The following ZNF609 variants were observed in gnomAD, a reference collection of about 807,000 sequenced individuals.
ZNF609 encodes zinc finger protein 609.
A neutral mutation model predicts 109.5 loss-of-function variants in ZNF609; 11 were observed. The observed-to-expected ratio is 0.10, with a 90% CI of 0.06 to 0.17. The LOEUF is 0.17. Ranked by LOEUF, ZNF609 falls within the 10% of genes least tolerant of loss-of-function variation. ZNF609 has a pLI of 1.00. For missense variants in ZNF609, 1,559 were observed against 1,772.4 expected, an observed-to-expected ratio of 0.88 and a Z score of 2.16; for synonymous variants, 646 against 662.0, an observed-to-expected ratio of 0.98 and a Z score of 0.37.
At chr15:64,622,754 T>C (rs1414176055) in intron 2 of ZNF609, 73 bp from the exon 3 acceptor site, 24 of 1,311,972 alleles carry the variant, frequency 1.8e-5, no homozygotes, top group Non-Finnish European at 2.6e-5. Context: ...TAGGACTAGA[T>C]TAAATACAGA....
chr15:64,557,061 T>C (rs1170764175), intron 2 of ZNF609, among the ~76,000 whole-genome samples: 1 of 152,168 alleles, frequency 6.6e-6, no homozygotes, highest in African/African-American at 2.4e-5. Flanking sequence ...AAGAATGAGA[T>C]TCTTGGTTTT....
chr15:64,636,039 G>A (rs1411482779), intron 3 of ZNF609, among the ~76,000 whole-genome samples: 5 of 152,092 alleles, frequency 3.3e-5, no homozygotes, highest in Admixed American at 2.0e-4. Flanking sequence ...ATTCCTCCTG[G>A]CATTAGGCAG....
At chr15:64,657,496 C>T (rs1165206342) in intron 3 of ZNF609, among the ~76,000 whole-genome samples, 5 of 152,050 alleles carry the variant, frequency 3.3e-5, no homozygotes, top group African/African-American at 1.2e-4. Context: ...TGCATGTAGT[C>T]CCAGCTACTC....
chr15:64,606,742 T>TTTAAAA (rs1895609023), intron 2 of ZNF609, among the ~76,000 whole-genome samples: 1 of 151,750 alleles, frequency 6.6e-6, no homozygotes, highest in African/African-American at 2.4e-5. Flanking sequence ...AACGGTTACA[T>TTTAAAA]CAGTAATACC....
At chr15:64,504,872 T>C (rs1264822443) in intron 2 of ZNF609, among the ~76,000 whole-genome samples, 2 of 152,116 alleles carry the variant, frequency 1.3e-5, no homozygotes, top group Non-Finnish European at 2.9e-5. Flanking sequence ...GCCTCACTTA[T>C]GCACTTCTGC....
intron 3 of ZNF609, among the ~76,000 whole-genome samples, chr15:64,641,219 C>CTTTCTTTTTTT (rs1284761579): frequency 2.9e-5 from 2 of 69,738 alleles, no homozygotes; most frequent in Admixed American, 2.3e-4. Flanking sequence ...CTTGTGCTTT[C>CTTTCTTTTTTT]TTTTTTTTTT....
intron 3 of ZNF609, among the ~76,000 whole-genome samples, chr15:64,625,932 TATATAGAGAGAGAGAGAG>T (rs1285792582): frequency 5.5e-4 from 41 of 74,604 alleles, no homozygotes; most frequent in East Asian, 2.5e-3. Flanking sequence ...TATATATATA[TATATAGAGAGAGAGAGAG>T]AGAGAGAGAG....
chr15:64,501,010 C>G (rs1010231391), intron 2 of ZNF609: 8 of 154,322 alleles, frequency 5.2e-5, no homozygotes. Flanking sequence ...ATGGAACTTG[C>G]AGGGCTGGAG....
At chr15:64,475,524 G>A (rs1893158028) in intron 1 of ZNF609, among the ~76,000 whole-genome samples, 1 of 151,664 alleles carries the variant, frequency 6.6e-6, no homozygotes, top group East Asian at 1.9e-4. Flanking sequence ...GAGTAACTGG[G>A]ATTACAGTTG....
chr15:64,621,685 G>T (rs599614), intron 2 of ZNF609, among the ~76,000 whole-genome samples: 132,919 of 151,886 alleles, frequency 0.88, 59,196 homozygotes, highest in East Asian at 0.96. Flanking sequence ...TCTCTAGATG[G>T]GTTGCATTCT....
chr15:64,523,944 C>A (rs925755282), intron 2 of ZNF609, among the ~76,000 whole-genome samples: 3 of 151,476 alleles, frequency 2.0e-5, no homozygotes, highest in Non-Finnish European at 4.4e-5. Flanking sequence ...AGTAATGTTT[C>A]CAGAAACCAT....
intron 1 of ZNF609, among the ~76,000 whole-genome samples, chr15:64,498,767 A>C (rs1209131665): frequency 6.6e-6 from 1 of 152,030 alleles, no homozygotes; most frequent in Non-Finnish European, 1.5e-5. Context: ...TTTCATTCTT[A>C]ACCATAAGAC....
intron 2 of ZNF609, chr15:64,500,683 G>T: frequency 2.1e-6 from 1 of 480,648 alleles, no homozygotes; most frequent in Non-Finnish European, 3.7e-6. Flanking sequence ...TTCTATTGCC[G>T]GCTACCAAAG....
chr15:64,479,534 G>A (rs180964991), intron 1 of ZNF609, among the ~76,000 whole-genome samples: 124 of 151,666 alleles, frequency 8.2e-4, no homozygotes, highest in Admixed American at 3.7e-3. Context: ...CTTGTGATCC[G>A]CCCATCTCGA....
intron 2 of ZNF609, among the ~76,000 whole-genome samples, chr15:64,546,822 G>T (rs1454765500): frequency 1.7e-5 from 2 of 120,084 alleles, no homozygotes; most frequent in African/African-American, 6.6e-5. Flanking sequence ...ACAGAGTCTC[G>T]CCCTGTCGCC....
At chr15:64,666,018 T>G (rs1244464158) in intron 3 of ZNF609, among the ~76,000 whole-genome samples, 2 of 147,874 alleles carry the variant, frequency 1.4e-5, no homozygotes, top group African/African-American at 5.0e-5. Context: ...GAGGTTGCAG[T>G]GAGTAGGGAT....
chr15:64,532,184 C>T (rs1894072315), intron 2 of ZNF609, among the ~76,000 whole-genome samples: 3 of 152,170 alleles, frequency 2.0e-5, no homozygotes, highest in African/African-American at 7.2e-5. Context: ...GGCCAACTCC[C>T]TCATCTCTCT....
Position 64,676,048 on chromosome 15 carries a change from G to A in ZNF609, c.3194G>A (p.Gly1065Asp). 6.2e-7 allele frequency: 1 copy of A among 1,614,208 alleles called. No homozygotes were observed. Among genetic ancestry groups the A allele is most frequent in the Non-Finnish European group, 8.5e-7 (1 of 1,180,034 alleles). ...SLTDLVKSGP[G>D]KAKEPGADPA... ...ACAGACCTGGTGAAATCAGGACCTG[G>A]CAAGGCCAAGGAGCCAGGGGCTGAC... The change falls in exon 5 of 10, where the codon GGC becomes GAC. Residue 1065 changes from glycine to aspartate, a missense_variant. Transcript: ENST00000326648.
At chr15:64,581,148 C>T (rs1453051014) in intron 2 of ZNF609, among the ~76,000 whole-genome samples, 1 of 151,964 alleles carries the variant, frequency 6.6e-6, no homozygotes, top group Non-Finnish European at 1.5e-5. Flanking sequence ...GCTTCCTCCT[C>T]CTGAGTAGCT....
Sources: gnomAD v4.1 joint callset for allele counts (sites outside exome capture counted in the v4.1 genomes callset) on GRCh38, gnomAD v4.1.1 for gene constraint, MANE v1.5 for transcripts, NCBI Gene and HGNC (gene_info 2026-07-23, HGNC 2026-07-21) for gene names.